The following DCDC1 variants were observed in gnomAD, a reference collection of about 807,000 sequenced individuals.
The protein encoded by DCDC1 is doublecortin domain containing 1.
In DCDC1, 200 loss-of-function variants were observed where a neutral mutation model predicts 178.3. That is an observed-to-expected ratio of 1.12 (90% CI 1.00 to 1.26). The LOEUF is 1.26. DCDC1 is among the 50% of genes most tolerant of loss of function. DCDC1 has a pLI of 0.00. For missense variants in DCDC1, 1,983 were observed against 1,749.2 expected, an observed-to-expected ratio of 1.13 and a Z score of -2.38; for synonymous variants, 690 against 604.8, an observed-to-expected ratio of 1.14 and a Z score of -2.07.
At position 31,188,804 on chromosome 11, in the gene DCDC1, C is replaced by T. The variant is rs567801655; in HGVS notation, c.1222-51020G>A. On this transcript the variant is annotated intron_variant, in intron 9 of 38. Coordinates refer to ENST00000684477, the MANE Select transcript of DCDC1 (RefSeq NM_001387274.1). ...TTCACCATTCAAGGCAAGATGAGTG[C>T]TATGGTCTGAAAATGTGTGTGTCCC... Among the ~76,000 whole-genome samples the T allele has an allele frequency of 1.2e-4, 18 of 152,284 alleles. No individual in the cohort carries two copies. The Middle Eastern group carries it at 0.01, about 86-fold the overall frequency.
At chr11:31,206,197 C>A (rs755463139) in intron 9 of DCDC1, among the ~76,000 whole-genome samples, 2 of 152,146 alleles carry the variant, frequency 1.3e-5, no homozygotes, top group Admixed American at 6.6e-5. Flanking sequence ...TCATAGATTA[C>A]TTGTGGTTAA....
intron 9 of DCDC1, among the ~76,000 whole-genome samples, chr11:31,166,749 A>G (rs545383388): frequency 1.3e-5 from 2 of 152,372 alleles, no homozygotes; most frequent in East Asian, 3.9e-4. Context: ...TGCCTAGTTG[A>G]ATCAGTGAAT....
chr11:31,366,449 C>G (rs186374710), intron 1 of DCDC1, among the ~76,000 whole-genome samples: 20 of 152,184 alleles, frequency 1.3e-4, no homozygotes, highest in African/African-American at 4.8e-4. Context: ...CTAAGGAAAA[C>G]AATATACTGT....
chr11:30,949,539 T>C (rs1948278594), intron 21 of DCDC1, among the ~76,000 whole-genome samples: 1 of 152,092 alleles, frequency 6.6e-6, no homozygotes, highest in Non-Finnish European at 1.5e-5. Flanking sequence ...GATTCTACTA[T>C]AAAGACACAT....
intron 20 of DCDC1, among the ~76,000 whole-genome samples, chr11:31,054,501 T>C (rs564026850): frequency 6.6e-6 from 1 of 152,208 alleles, no homozygotes. Flanking sequence ...CTAAAATTCA[T>C]ATGGAAACAA....
chr11:31,106,547 T>A (rs577244166), intron 13 of DCDC1, among the ~76,000 whole-genome samples: 1 of 152,344 alleles, frequency 6.6e-6, no homozygotes, highest in African/African-American at 2.4e-5. Context: ...TCCCTCTTGC[T>A]GTGCTGACAG....
chr11:30,961,493 G>A (rs1949095608), intron 20 of DCDC1, among the ~76,000 whole-genome samples: 1 of 151,946 alleles, frequency 6.6e-6, no homozygotes. Flanking sequence ...CACATCCCAC[G>A]ACTGTTAAAG....
At chr11:31,026,747 A>G (rs1463605329) in intron 20 of DCDC1, among the ~76,000 whole-genome samples, 1 of 151,884 alleles carries the variant, frequency 6.6e-6, no homozygotes, top group African/African-American at 2.4e-5. Flanking sequence ...TGAATGTTAA[A>G]GGAAGACTAT....
intron 2 of DCDC1, among the ~76,000 whole-genome samples, chr11:31,330,792 T>C (rs1008554009): frequency 2.0e-5 from 3 of 152,224 alleles, no homozygotes; most frequent in African/African-American, 7.2e-5. Flanking sequence ...GCTGTTTTGG[T>C]TACTGTAGCC....
chr11:31,365,203 C>T (rs1283899995), intron 1 of DCDC1, among the ~76,000 whole-genome samples: 2 of 152,030 alleles, frequency 1.3e-5, no homozygotes, highest in Non-Finnish European at 2.9e-5. Flanking sequence ...AAATATTTGT[C>T]GATTGAGTCA....
intron 27 of DCDC1, among the ~76,000 whole-genome samples, chr11:30,913,306 G>T (rs1473396845): frequency 1.3e-5 from 2 of 152,100 alleles, no homozygotes; most frequent in Non-Finnish European, 2.9e-5. Flanking sequence ...TACTCGGAGA[G>T]GCTGAGGCAG....
chr11:31,301,481 G>T (rs2137538653), intron 6 of DCDC1, among the ~76,000 whole-genome samples: 1 of 152,304 alleles, frequency 6.6e-6, no homozygotes, highest in East Asian at 1.9e-4. Flanking sequence ...GATGTGAGTA[G>T]TGGGTCACCT....
chr11:31,298,422 C>T (rs1283413831), intron 6 of DCDC1, among the ~76,000 whole-genome samples: 1 of 151,686 alleles, frequency 6.6e-6, no homozygotes, highest in East Asian at 1.9e-4. Context: ...GGTTAGGATG[C>T]AGGTGGTGAC....
chr11:30,943,623 T>G, intron 21 of DCDC1: 1 of 451,580 alleles, frequency 2.2e-6, no homozygotes, highest in South Asian at 1.6e-5. Context: ...TCACAACTTT[T>G]CCCCCATAGA....
chr11:31,339,604 C>T (rs1185643568), intron 1 of DCDC1, among the ~76,000 whole-genome samples: 1 of 152,060 alleles, frequency 6.6e-6, no homozygotes, highest in Admixed American at 6.6e-5. Context: ...ACTAGTCTGT[C>T]CTGTTCACTT....
intron 21 of DCDC1, among the ~76,000 whole-genome samples, chr11:30,944,640 T>C (rs1947885287): frequency 6.6e-6 from 1 of 152,230 alleles, no homozygotes; most frequent in Non-Finnish European, 1.5e-5. Flanking sequence ...TGAAATACAC[T>C]GTATTTAATT....
chr11:31,094,087 A>T lies in DCDC1; in HGVS notation c.2081T>A (p.Ile694Asn), dbSNP rs763762331. Residue 694 changes from isoleucine to asparagine, a missense_variant, in exon 16 of 39, where the codon ATC becomes AAC. Physicochemically the swap from Ile to Asn is moderately radical, Grantham distance 149. Coordinates refer to ENST00000684477, the MANE Select transcript of DCDC1 (RefSeq NM_001387274.1). ...ASSRSQIAPS[I>N]LWPVASVWLI... Reference sequence around the variant, plus strand: ...CCACACACTGGCTACAGGCCACAGGATCGATGGCGCTATTTGACTCCTGCT... The same window carrying T: ...CCACACACTGGCTACAGGCCACAGGTTCGATGGCGCTATTTGACTCCTGCT... The T allele has an allele frequency of 5.2e-6, 4 of 766,178 alleles. No individual in the cohort carries two copies. The highest frequency in any genetic ancestry group is 2.4e-6 in the Non-Finnish European group (1 of 417,824). 47.5% of individuals were successfully genotyped at this position (766,178 alleles called of 1,614,324 possible).
At chr11:30,978,803 CA>C (rs1950235341) in intron 20 of DCDC1, among the ~76,000 whole-genome samples, 30 of 147,770 alleles carry the variant, frequency 2.0e-4, no homozygotes, top group Non-Finnish European at 3.9e-4. Flanking sequence ...CACACACACA[CA>C]CACACACACA....
intron 20 of DCDC1, among the ~76,000 whole-genome samples, chr11:31,008,797 T>A (rs1461573534): frequency 6.6e-6 from 1 of 152,162 alleles, no homozygotes; most frequent in African/African-American, 2.4e-5. Flanking sequence ...CTACATGTTT[T>A]AAACTGGCAA....
Sources: allele counts gnomAD v4.1 joint callset (sites outside exome capture counted in the v4.1 genomes callset), GRCh38; gene constraint gnomAD v4.1.1; transcripts MANE v1.5; gene names NCBI Gene and HGNC (gene_info 2026-07-23, HGNC 2026-07-21).